STXBP6: variants seen among roughly 807,000 people sequenced by gnomAD.
STXBP6 encodes syntaxin binding protein 6, also known as syntaxin-binding protein 6.
In STXBP6, 21 loss-of-function variants were observed where a neutral mutation model predicts 26.9. The ratio of observed to expected loss-of-function variants is 0.78; its 90% CI spans 0.55 to 1.12. STXBP6 has a LOEUF of 1.12. STXBP6 is among the 50% of genes most tolerant of loss of function. STXBP6 has a pLI of 0.00. For synonymous variants in STXBP6, 97 were observed against 92.6 expected, an observed-to-expected ratio of 1.05 and a Z score of -0.27; for missense variants, 232 against 257.9, an observed-to-expected ratio of 0.90 and a Z score of 0.69.
intron 2 of STXBP6, among the ~76,000 whole-genome samples, chr14:24,874,389 G>A (rs950436869): frequency 1.3e-5 from 2 of 152,068 alleles, no homozygotes; most frequent in African/African-American, 4.8e-5. Context: ...TCCATAGAGT[G>A]TTGCTCAGGT....
intron 5 of STXBP6, chr14:24,816,178 T>C (rs2067969182): frequency 6.6e-6 from 1 of 152,228 alleles, no homozygotes; most frequent in Non-Finnish European, 1.5e-5. Flanking sequence ...AGCTCAGGAC[T>C]CTGCCATGTG....
chr14:25,037,785 G>A (rs192215565), intron 1 of STXBP6, among the ~76,000 whole-genome samples: 6 of 152,328 alleles, frequency 3.9e-5, no homozygotes, highest in Admixed American at 3.3e-4. Flanking sequence ...ATCTTCCAGA[G>A]GGACTTCTAC....
At chr14:24,917,479 T>C (rs547583165) in intron 2 of STXBP6, among the ~76,000 whole-genome samples, 1 of 152,224 alleles carries the variant, frequency 6.6e-6, no homozygotes, top group African/African-American at 2.4e-5. Context: ...GCACTCAAGA[T>C]AATCTCTGAG....
At chr14:24,904,647 G>A (rs1018476191) in intron 2 of STXBP6, among the ~76,000 whole-genome samples, 17 of 152,130 alleles carry the variant, frequency 1.1e-4, no homozygotes, top group Admixed American at 3.3e-4. Context: ...TGTAAGAGGA[G>A]GGAAAGATAC....
intron 4 of STXBP6, among the ~76,000 whole-genome samples, chr14:24,841,346 AT>A (rs2068778262): frequency 6.6e-6 from 1 of 152,118 alleles, no homozygotes; most frequent in African/African-American, 2.4e-5. Context: ...GGAAAACTGT[AT>A]TTTTAATAGC....
intron 1 of STXBP6, among the ~76,000 whole-genome samples, chr14:25,048,687 C>T (rs993668938): frequency 2.6e-5 from 4 of 152,218 alleles, no homozygotes; most frequent in African/African-American, 9.6e-5. Flanking sequence ...TGGACCGATT[C>T]CCACTAGCAG....
chr14:24,943,129 G>A (rs2072863563), intron 2 of STXBP6, among the ~76,000 whole-genome samples: 1 of 152,156 alleles, frequency 6.6e-6, no homozygotes, highest in African/African-American at 2.4e-5. Context: ...TGGGGGTGGG[G>A]TGTGAGGCAA....
rs189441945 is a variant in STXBP6 at position 24,809,635 on chromosome 14, A to G, written c.*3074T>C. Reference sequence around the variant, plus strand: ...TTGGTAGTGTTTTATAGAGTTCATAAATAACTGCAAGAAACAAATTTCATC... The same window carrying G: ...TTGGTAGTGTTTTATAGAGTTCATAGATAACTGCAAGAAACAAATTTCATC... On this transcript the variant is annotated 3_prime_UTR_variant, in exon 6 of 6. Transcript: ENST00000323944. 1 of 152,358 alleles carries G rather than the reference A, an allele frequency of 6.6e-6. No homozygotes were observed. The highest frequency in any genetic ancestry group is 1.5e-5 in the Non-Finnish European group (1 of 68,024). 9.4% of individuals were successfully genotyped at this position (152,358 alleles called of 1,614,324 possible).
intron 4 of STXBP6, among the ~76,000 whole-genome samples, chr14:24,822,793 C>T (rs2068173621): frequency 6.6e-6 from 1 of 152,138 alleles, no homozygotes; most frequent in Admixed American, 6.6e-5. Context: ...TGTTTTGAAG[C>T]TTGCAGAAGA....
intron 2 of STXBP6, among the ~76,000 whole-genome samples, chr14:24,938,343 G>GT: frequency 6.6e-6 from 1 of 152,170 alleles, no homozygotes; most frequent in African/African-American, 2.4e-5. Context: ...CAAAGATTTT[G>GT]TTTTTCATGA....
chr14:24,961,455 A>AC (rs1011424390), intron 2 of STXBP6, among the ~76,000 whole-genome samples: 192 of 150,912 alleles, frequency 1.3e-3, no homozygotes, highest in East Asian at 0.013. Flanking sequence ...TAAAAACAAA[A>AC]AAAAAAAAAC....
At chr14:24,907,633 T>C (rs935001452) in intron 2 of STXBP6, among the ~76,000 whole-genome samples, 1 of 152,170 alleles carries the variant, frequency 6.6e-6, no homozygotes, top group Non-Finnish European at 1.5e-5. Flanking sequence ...TTTAATTTCT[T>C]AAGAATAAAA....
In STXBP6 at chr14:24,884,549, C is replaced by A. The variant is rs149121221; in HGVS notation, c.155-27392G>T. Among the ~76,000 whole-genome samples, 119 of 152,292 alleles carry A rather than the reference C, an allele frequency of 7.8e-4. 1 individual carries two copies. The highest frequency in any genetic ancestry group is 1.5e-3 in the Non-Finnish European group (101 of 68,030). ...AACAAACAAAAAACCCAAAGCACTG[C>A]CTACGTGAACCAACCGTCAGTGCAA... is the stretch of plus-strand genomic sequence containing the variant. On this transcript the variant is annotated intron_variant, in intron 2 of 5. Coordinates refer to ENST00000323944, the MANE Select transcript of STXBP6 (RefSeq NM_001394410.1).
intron 1 of STXBP6, among the ~76,000 whole-genome samples, chr14:24,976,850 C>G (rs1261833717): frequency 1.4e-5 from 1 of 70,306 alleles, no homozygotes; most frequent in African/African-American, 8.7e-5. Context: ...TGACTGGGCG[C>G]TCTTTTTTTT....
At chr14:24,848,467 C>G (rs1387232117) in intron 4 of STXBP6, among the ~76,000 whole-genome samples, 1 of 152,102 alleles carries the variant, frequency 6.6e-6, no homozygotes, top group Admixed American at 6.6e-5. Context: ...GTTATTTAAC[C>G]ATGGCATAGA....
At chr14:24,991,786 C>T (rs2074481425) in intron 1 of STXBP6, among the ~76,000 whole-genome samples, 1 of 152,172 alleles carries the variant, frequency 6.6e-6, no homozygotes, top group African/African-American at 2.4e-5. Context: ...TCAGAACTGC[C>T]TTTTCTCCAT....
intron 2 of STXBP6, among the ~76,000 whole-genome samples, chr14:24,933,560 T>C (rs925526613): frequency 1.3e-5 from 2 of 152,176 alleles, no homozygotes; most frequent in African/African-American, 4.8e-5. Context: ...ATTACTATTA[T>C]TGTTGTTATT....
chr14:24,902,351 G>C (rs932189657), intron 2 of STXBP6, among the ~76,000 whole-genome samples: 1 of 152,128 alleles, frequency 6.6e-6, no homozygotes, highest in Non-Finnish European at 1.5e-5. Flanking sequence ...ATAAGATACA[G>C]CAAAAGAAAA....
At position 24,892,452 on chromosome 14, in the gene STXBP6, T is replaced by A. The variant is rs1328816751; in HGVS notation, c.155-35295A>T. Among the ~76,000 whole-genome samples the A allele has an allele frequency of 4.6e-5, 7 of 152,192 alleles. No individual in the cohort carries two copies. The East Asian group carries it at 1.3e-3, about 29-fold the overall frequency. ...GGTAAATGAGCCAGATGTTTCTATA[T>A]TCTTCAAGGGGGGAAATAATTCTGA... On this transcript the variant is annotated intron_variant, in intron 2 of 5. Transcript: ENST00000323944.
Sources: gnomAD v4.1 joint callset for allele counts (sites outside exome capture counted in the v4.1 genomes callset) on GRCh38, gnomAD v4.1.1 for gene constraint, MANE v1.5 for transcripts, NCBI Gene and HGNC (gene_info 2026-07-23, HGNC 2026-07-21) for gene names.